ALMS1: variants seen among roughly 807,000 people sequenced by gnomAD.
ALMS1 encodes the protein centrosome-associated protein ALMS1.
A neutral mutation model predicts 352.2 loss-of-function variants in ALMS1; 271 were observed. The observed-to-expected ratio is 0.77, with a 90% CI of 0.70 to 0.85. The LOEUF (loss-of-function observed/expected upper bound fraction) is 0.85. Ranked by LOEUF, ALMS1 falls within the 40% of genes least tolerant of loss-of-function variation. ALMS1 has a pLI of 0.00. For synonymous variants in ALMS1, 1,865 were observed against 1,761.2 expected (o/e 1.06, Z -1.48); for missense variants, 5,445 against 4,870.7 (o/e 1.12, Z -3.51).
intron 11 of ALMS1, among the ~76,000 whole-genome samples, chr2:73,522,512 C>T (rs1489366098): frequency 2.9e-5 from 4 of 138,706 alleles, no homozygotes; most frequent in African/African-American, 1.1e-4. Flanking sequence ...ACTCTATCTC[C>T]AGGTTGGAGT....
At chr2:73,440,016 TGTCGCCCAGGCTGGA>T (rs1231951970) in intron 7 of ALMS1, among the ~76,000 whole-genome samples, 1 of 152,002 alleles carries the variant, frequency 6.6e-6, no homozygotes, top group African/African-American at 2.4e-5. Context: ...AGTCTCGCTC[TGTCGCCCAGGCTGGA>T]GTGCAGTGGT....
intron 9 of ALMS1, among the ~76,000 whole-genome samples, chr2:73,488,182 G>A (rs1297002327): frequency 6.6e-6 from 1 of 152,160 alleles, no homozygotes; most frequent in African/African-American, 2.4e-5. Flanking sequence ...GCACACCCAG[G>A]CTGTTTATGT....
intron 9 of ALMS1, among the ~76,000 whole-genome samples, chr2:73,468,367 A>AT (rs1043334670): frequency 2.6e-5 from 4 of 151,962 alleles, no homozygotes; most frequent in South Asian, 4.1e-4. Context: ...GTTTCTTTAA[A>AT]TTTTTTTTAT....
chr2:73,489,516 T>C, intron 9 of ALMS1, 118 bp from the exon 10 acceptor site: 6 of 1,160,790 alleles, frequency 5.2e-6, no homozygotes, highest in Non-Finnish European at 6.3e-6. Flanking sequence ...TATAAAAGAA[T>C]GACATGACCT....
At chr2:73,488,506 A>T (rs1460088525) in intron 9 of ALMS1, among the ~76,000 whole-genome samples, 1 of 152,046 alleles carries the variant, frequency 6.6e-6, no homozygotes, top group African/African-American at 2.4e-5. Flanking sequence ...TACAGCTGTG[A>T]CTGGGCAGCT....
chr2:73,397,752 G>A (rs890141492), intron 1 of ALMS1, among the ~76,000 whole-genome samples: 3 of 152,162 alleles, frequency 2.0e-5, no homozygotes, highest in Non-Finnish European at 4.4e-5. Context: ...ACAGGCGTGC[G>A]GTTTTGCTTT....
rs925686650 is a variant in ALMS1, at chr2:73,451,315, A to C, written c.4788A>C (p.Lys1596Asn). The change falls in exon 8 of 23, where the codon AAA becomes AAC. Residue 1596 changes from lysine to asparagine, a missense_variant. Lys to Asn is a moderately conservative substitution (Grantham distance 94). Coordinates refer to ENST00000613296, the MANE Select transcript of ALMS1 (RefSeq NM_001378454.1). ...PDGHLPEEAL[K>N]VSIVSGPTEK... ...GTCATCTACCTGAAGAGGCTCTGAAAGTTTCCATTGTTTCTGGACCTACTG... is the reference window on the plus strand; with the variant it reads ...GTCATCTACCTGAAGAGGCTCTGAACGTTTCCATTGTTTCTGGACCTACTG... 6 of 1,613,962 alleles carry C rather than the reference A, an allele frequency of 3.7e-6. No individual in the cohort carries two copies. Among genetic ancestry groups the C allele is most frequent in the Non-Finnish European group, 5.1e-6 (6 of 1,179,996 alleles).
intron 10 of ALMS1, among the ~76,000 whole-genome samples, chr2:73,511,100 C>T (rs1319536706): frequency 1.3e-5 from 2 of 152,178 alleles, no homozygotes; most frequent in East Asian, 1.9e-4. Flanking sequence ...AATTTCAGGC[C>T]AGTCGATCTT....
rs771800459 is a variant in ALMS1 at position 73,452,906 on chromosome 2, C to T, written c.6379C>T (p.Pro2127Ser). The change falls in exon 8 of 23, where the codon CCA becomes TCA. Residue 2127 changes from proline (P) to serine (S), a missense_variant. By Grantham distance (74) the Pro-to-Ser change is moderately conservative. Coordinates refer to ENST00000613296, the MANE Select transcript of ALMS1 (RefSeq NM_001378454.1). ...DVLKVSTIPG[P>S]AGQKTVLPTA... The stretch of plus-strand genomic sequence containing the variant: ...GCTGAAGGTTTCAACAATTCCTGGA[C>T]CAGCTGGCCAGAAAACAGTATTACC... The T allele has an allele frequency of 1.4e-5, 23 of 1,613,690 alleles. No individual in the cohort carries two copies. The Admixed American group carries it at 3.5e-4, about 25-fold the overall frequency.
intron 17 of ALMS1, 88 bp downstream of exon 17, chr2:73,599,609 G>T: frequency 6.8e-7 from 1 of 1,462,872 alleles, no homozygotes; most frequent in East Asian, 2.3e-5. Context: ...CATAATAAAG[G>T]ACATGAAGAT....
At position 73,609,581 on chromosome 2, in the gene ALMS1, A is replaced by G; in HGVS notation, c.12476A>G (p.Gln4159Arg). The G allele has an allele frequency of 6.2e-7, 1 of 1,614,152 alleles. No individual in the cohort carries two copies. The highest frequency in any genetic ancestry group is 8.5e-7 in the Non-Finnish European group (1 of 1,180,002). The change falls in exon 23 of 23, where the codon CAA becomes CGA. Residue 4159 changes from glutamine (Q) to arginine (R), a missense_variant. Coordinates refer to ENST00000613296, the MANE Select transcript of ALMS1 (RefSeq NM_001378454.1). ...TTTCTTCTACAGAGAGTGACCAATC[A>G]ACTTCTGGGGAGAAAAGTTCCCTGG... ...AQLYKKRVTN[Q>R]LLGRKVPWD
chr2:73,492,968 T>TAA (rs34376546), intron 10 of ALMS1, among the ~76,000 whole-genome samples: 1 of 141,936 alleles, frequency 7.0e-6, no homozygotes. Context: ...TATTGATACT[T>TAA]AAAAAAAAAA....
intron 10 of ALMS1, among the ~76,000 whole-genome samples, chr2:73,505,519 T>C (rs1474583935): frequency 2.6e-5 from 4 of 152,230 alleles, no homozygotes; most frequent in Non-Finnish European, 5.9e-5. Flanking sequence ...AAATGTCTTC[T>C]TTTGAAAAGT....
intron 8 of ALMS1, chr2:73,454,381 C>T (rs1298117269): frequency 6.1e-6 from 6 of 984,626 alleles, no homozygotes; most frequent in Non-Finnish European, 7.2e-6. Context: ...GTAAAGAGGT[C>T]GCTTGGGCTC....
intron 3 of ALMS1, among the ~76,000 whole-genome samples, chr2:73,419,740 T>C (rs1319577420): frequency 6.6e-6 from 1 of 152,236 alleles, no homozygotes; most frequent in Non-Finnish European, 1.5e-5. Flanking sequence ...TTATTATCCT[T>C]AGCTTTCAAA....
chr2:73,408,133 C>T (rs900037467), intron 1 of ALMS1, among the ~76,000 whole-genome samples: 1 of 152,178 alleles, frequency 6.6e-6, no homozygotes, highest in Non-Finnish European at 1.5e-5. Flanking sequence ...TTGACCAGGT[C>T]ATTTTTGTTT....
intron 7 of ALMS1, among the ~76,000 whole-genome samples, chr2:73,434,747 T>C (rs1386297286): frequency 6.6e-6 from 1 of 152,254 alleles, no homozygotes; most frequent in African/African-American, 2.4e-5. Flanking sequence ...TTGCTTCACA[T>C]ATTTTGACAT....
intron 15 of ALMS1, among the ~76,000 whole-genome samples, chr2:73,568,992 C>CTTTT (rs1674862318): frequency 1.5e-5 from 1 of 66,902 alleles, no homozygotes; most frequent in East Asian, 5.0e-4. Context: ...GCTGCTTCTG[C>CTTTT]TTCTTTTTTT....
At chr2:73,395,338 C>G (rs1004584139) in intron 1 of ALMS1, among the ~76,000 whole-genome samples, 1 of 151,656 alleles carries the variant, frequency 6.6e-6, no homozygotes, top group African/African-American at 2.4e-5. Flanking sequence ...CTTGGCCTCC[C>G]AAAGTGCTGG....
Sources: gnomAD v4.1 joint callset for allele counts (sites outside exome capture counted in the v4.1 genomes callset) on GRCh38, gnomAD v4.1.1 for gene constraint, MANE v1.5 for transcripts, NCBI Gene and HGNC (gene_info 2026-07-23, HGNC 2026-07-21) for gene names.